The following MED13L variants were observed in gnomAD, a reference collection of about 807,000 sequenced individuals.
MED13L encodes mediator of RNA polymerase II transcription subunit 13-like.
A neutral mutation model predicts 220.9 loss-of-function variants in MED13L; 7 were observed. That is an observed-to-expected ratio of 0.03 (90% confidence interval 0.02 to 0.06). The LOEUF is 0.06. MED13L is among the 10% of genes least tolerant of loss of function. The pLI, the probability that MED13L is intolerant of heterozygous loss-of-function variation, is 1.00. For missense variants in MED13L, 1,965 were observed against 2,760.5 expected, an observed-to-expected ratio of 0.71 and a Z score of 6.46; for synonymous variants, 1,011 against 1,015.2, an observed-to-expected ratio of 1.00 and a Z score of 0.08.
At chr12:116,191,288 C>T (rs893809242) in intron 2 of MED13L, among the ~76,000 whole-genome samples, 3 of 151,976 alleles carry the variant, frequency 2.0e-5, no homozygotes, top group African/African-American at 7.3e-5. Flanking sequence ...TACTGGGTAA[C>T]AATAATCAAA....
rs1288090845 is a variant in MED13L, at chr12:116,277,310, G to T, written c.-179C>A. The T allele has an allele frequency of 8.8e-4, 1 of 1,138 alleles. No individual in the cohort carries two copies. The highest frequency in any genetic ancestry group is 1.1e-3 in the Non-Finnish European group (1 of 940). 0.1% of individuals were successfully genotyped at this position (1,138 alleles called of 1,614,324 possible). A position where few individuals can be genotyped will look rare whatever the true frequency, so the allele number is the denominator to read the frequency against. On this transcript the variant is annotated 5_prime_UTR_variant, in exon 1 of 31. Transcript: ENST00000281928. ...GAGGCGCCGCGGCGACGCCGCGCCG[G>T]GGGCAGCGGGCCCGGGCTGGCGGGG...
Position 115,987,286 on chromosome 12 carries a change from G to T in MED13L, c.3937C>A (p.Leu1313Met), listed in dbSNP as rs768104959. The T allele has an allele frequency of 1.2e-6, 2 of 1,612,510 alleles. No homozygotes were observed. Among genetic ancestry groups the T allele is most frequent in the Non-Finnish European group, 8.5e-7 (1 of 1,179,758 alleles). ...TGGGAGGAGAGCATGCTGATGTCCA[G>T]CACTGGAAGAGAAGTGAGAAGAAAC... Reference protein sequence around the residue: ...TVHSWPHSNVLDISMLSSQDV... With the variant: ...TVHSWPHSNVMDISMLSSQDV... Residue 1313 changes from leucine to methionine, a missense_variant and splice_region_variant, in exon 18 of 31, where the codon CTG (leucine) becomes ATG (methionine). This residue lies in a region of MED13L where 165 missense variants were observed against 190.8 expected (regional missense o/e 0.86). Transcript: ENST00000281928.
At chr12:116,251,585 C>A (rs1468840714) in intron 1 of MED13L, among the ~76,000 whole-genome samples, 1 of 150,538 alleles carries the variant, frequency 6.6e-6, no homozygotes, top group Non-Finnish European at 1.5e-5. Context: ...CAGTGAAACT[C>A]CGTCTCTACT....
chr12:116,232,661 T>G (rs745931647), intron 2 of MED13L, among the ~76,000 whole-genome samples: 4 of 152,208 alleles, frequency 2.6e-5, no homozygotes, highest in African/African-American at 9.6e-5. Flanking sequence ...GACCAGAGAT[T>G]TGTAATGCTT....
chr12:116,137,758 T>C (rs923620941), intron 2 of MED13L, among the ~76,000 whole-genome samples: 1 of 152,120 alleles, frequency 6.6e-6, no homozygotes. Context: ...TACAGACAAC[T>C]TGTATAAACT....
At chr12:116,255,090 C>T (rs1057022137) in intron 1 of MED13L, among the ~76,000 whole-genome samples, 1 of 152,084 alleles carries the variant, frequency 6.6e-6, no homozygotes, top group African/African-American at 2.4e-5. Context: ...AGAATCAATA[C>T]AATTTTTAAA....
chr12:116,044,726 A>G (rs1052878310), intron 4 of MED13L, among the ~76,000 whole-genome samples: 1 of 152,230 alleles, frequency 6.6e-6, no homozygotes, highest in Non-Finnish European at 1.5e-5. Context: ...ACATCAAAGA[A>G]ACATCTGGAA....
intron 10 of MED13L, chr12:116,008,069 C>T (rs1879162455): frequency 2.9e-6 from 1 of 347,510 alleles, no homozygotes; most frequent in Admixed American, 4.4e-5. Flanking sequence ...TCAAAAATGT[C>T]AACATACAAA....
chr12:116,181,368 G>C (rs530114239), intron 2 of MED13L: 2 of 151,686 alleles, frequency 1.3e-5, no homozygotes. Flanking sequence ...TTCTGTTCAA[G>C]AACACACAGG....
intron 11 of MED13L, 156 bp downstream of exon 11, chr12:116,007,255 C>T (rs1879105431): frequency 1.4e-6 from 1 of 724,062 alleles, no homozygotes; most frequent in African/African-American, 1.7e-5. Context: ...GAACAATACG[C>T]TGTTCAATAC....
intron 1 of MED13L, among the ~76,000 whole-genome samples, chr12:116,245,004 G>C (rs1256484716): frequency 6.6e-6 from 1 of 152,042 alleles, no homozygotes; most frequent in Non-Finnish European, 1.5e-5. Context: ...CAGATGCCCA[G>C]GTACCTTCTC....
chr12:116,181,815 G>A (rs1880552152), intron 2 of MED13L, among the ~76,000 whole-genome samples: 1 of 152,120 alleles, frequency 6.6e-6, no homozygotes, highest in East Asian at 1.9e-4. Context: ...ATGAATCAAA[G>A]TTTTAACTAA....
chr12:115,987,386 C>T (rs867584364), intron 17 of MED13L, 98 bp from the exon 18 acceptor site: 14 of 1,115,962 alleles, frequency 1.3e-5, no homozygotes, highest in African/African-American at 1.1e-4. Flanking sequence ...AGAACAATGA[C>T]GTTATTAGCT....
intron 4 of MED13L, among the ~76,000 whole-genome samples, chr12:116,052,253 T>G (rs577488986): frequency 6.6e-6 from 1 of 152,196 alleles, no homozygotes; most frequent in Non-Finnish European, 1.5e-5. Flanking sequence ...CTCAAAGACA[T>G]GACCTTACAC....
At chr12:116,206,595 G>A (rs918268329) in intron 2 of MED13L, among the ~76,000 whole-genome samples, 3 of 152,038 alleles carry the variant, frequency 2.0e-5, no homozygotes, top group Non-Finnish European at 2.9e-5. Context: ...AAGCCAAAGG[G>A]CTGTTGAGGA....
chr12:116,115,674 AAAC>A (rs1874448225), intron 2 of MED13L, among the ~76,000 whole-genome samples: 1 of 152,178 alleles, frequency 6.6e-6, no homozygotes, highest in Non-Finnish European at 1.5e-5. Flanking sequence ...TACCAAAAAA[AAAC>A]AATTTTTTAA....
At chr12:116,166,347 C>G (rs957490228) in intron 2 of MED13L, among the ~76,000 whole-genome samples, 2 of 152,180 alleles carry the variant, frequency 1.3e-5, no homozygotes, top group African/African-American at 4.8e-5. Context: ...TGGGCACAAT[C>G]TCATCAGCTT....
chr12:116,082,694 A>G (rs1871315866), intron 4 of MED13L: 1 of 152,142 alleles, frequency 6.6e-6, no homozygotes. Flanking sequence ...TAAAAAGAAA[A>G]AAAAAAGAAC....
At chr12:116,238,327 GT>G (rs1760655498) in intron 1 of MED13L, among the ~76,000 whole-genome samples, 1 of 152,198 alleles carries the variant, frequency 6.6e-6, no homozygotes, top group South Asian at 2.1e-4. Context: ...CCCTAATGTA[GT>G]TTGGTATTTT....
Sources: allele counts gnomAD v4.1 joint callset (sites outside exome capture counted in the v4.1 genomes callset), GRCh38; gene constraint gnomAD v4.1.1; regional missense constraint gnomAD v4.1.1; transcripts MANE v1.5; gene names NCBI Gene and HGNC (gene_info 2026-07-23, HGNC 2026-07-21).